Variants in HPS3 observed in about 807,000 individuals in gnomAD.
HPS3 encodes BLOC-2 complex member HPS3.
A neutral mutation model predicts 110.9 loss-of-function variants in HPS3; 79 were observed. The ratio of observed to expected loss-of-function variants is 0.71; its 90% CI spans 0.59 to 0.86. The LOEUF is 0.86. Among genes scored for constraint, HPS3 ranks in the 40% least tolerant of loss-of-function variants. HPS3 has a pLI of 0.00. For synonymous variants in HPS3, 428 were observed against 451.0 expected, an observed-to-expected ratio of 0.95 and a Z score of 0.65; for missense variants, 1,197 against 1,206.2, an observed-to-expected ratio of 0.99 and a Z score of 0.11.
In HPS3 at chr3:149,129,864, C is replaced by G. The variant is rs2108112256; in HGVS notation, c.141C>G (p.Ala47=). 1 of 1,598,164 alleles carries G rather than the reference C, an allele frequency of 6.3e-7. No individual in the cohort carries two copies. The highest frequency in any genetic ancestry group is 8.5e-7 in the Non-Finnish European group (1 of 1,177,070). ...GCAAGGTGGAGGCGTTCGCGGTGGC[C>G]GGCCAGGAGCTGTGCCAGCCGCGGT... ...AGCKVEAFAV[A]GQELCQPRCA... The change falls in exon 1 of 17, where the codon GCC becomes GCG. Residue 47 remains alanine, a synonymous_variant. Transcript: ENST00000296051.
At chr3:149,131,561 A>G (rs1370406298) in intron 1 of HPS3, among the ~76,000 whole-genome samples, 1 of 152,094 alleles carries the variant, frequency 6.6e-6, no homozygotes, top group Non-Finnish European at 1.5e-5. Flanking sequence ...AACTTAATTG[A>G]TATGTGTTGT....
At position 149,139,857 on chromosome 3, in the gene HPS3, CCT is replaced by C. The variant is rs1194705909; in HGVS notation, c.218-146_218-145del. ...AAGCCTAATGTCAGTCAAAAATACACCTAAGATTTTGTTACTTAGGGTTTTAT... is the reference window on the plus strand; with the variant it reads ...AAGCCTAATGTCAGTCAAAAATACACAAGATTTTGTTACTTAGGGTTTTAT... On this transcript the variant is annotated intron_variant, in intron 1 of 16. Transcript: ENST00000296051. 5 of 728,154 alleles carry C rather than the reference CCT, an allele frequency of 6.9e-6. No individual in the cohort carries two copies. In the East Asian group the frequency reaches 1.4e-4, roughly 20 times the overall value. 45.1% of individuals were successfully genotyped at this position (728,154 alleles called of 1,614,324 possible).
intron 5 of HPS3, among the ~76,000 whole-genome samples, chr3:149,149,858 A>G (rs181423144): frequency 3.2e-4 from 49 of 152,316 alleles, no homozygotes; most frequent in African/African-American, 1.1e-3. Flanking sequence ...GATGACAACC[A>G]GGCATCTATT....
chr3:149,168,088 C>G lies in HPS3; in HGVS notation c.2887+105C>G. ...TGTGATTCTCAAGTGAAACCGAGGG[C>G]CTTTCAGAACCATCTGGGGAGCTTA... On this transcript the variant is annotated intron_variant, in intron 16 of 16. Coordinates refer to ENST00000296051, the MANE Select transcript of HPS3 (RefSeq NM_032383.5). 4.1e-6 allele frequency: 3 copies of G among 725,984 alleles called. No individual in the cohort carries two copies. The East Asian group carries it at 8.1e-5, about 19-fold the overall frequency. 45.0% of individuals were successfully genotyped at this position (725,984 alleles called of 1,614,324 possible).
chr3:149,152,981 G>T (rs1723224684), intron 6 of HPS3, among the ~76,000 whole-genome samples: 1 of 152,196 alleles, frequency 6.6e-6, no homozygotes, highest in Non-Finnish European at 1.5e-5. Context: ...GGGGCCATCG[G>T]AACATACAAG....
rs779088731 is a variant in HPS3 at position 149,150,614 on chromosome 3, T to A, written c.1179T>A (p.Cys393Ter). The A allele has an allele frequency of 6.2e-7, 1 of 1,613,942 alleles. No homozygotes were observed. The highest frequency in any genetic ancestry group is 8.5e-7 in the Non-Finnish European group (1 of 1,179,958). Residue 393 changes from cysteine to a stop codon, truncating the protein, a stop_gained, in exon 6 of 17, where the codon TGT (cysteine) becomes TGA (stop). Transcript: ENST00000296051. LOFTEE classifies it high-confidence loss of function. ...LHVITSNNLQ[C>*]FTVRCSAAAA... ...TCCTCCTCAGTAACAACCTGCAGTG[T>A]TTCACTGTGCGGTGCAGTGCGGCGG...
At position 149,167,898 on chromosome 3, in the gene HPS3, G is replaced by A. The variant is rs1451979607; in HGVS notation, c.2802G>A (p.Leu934=). ...NHELKEENRT[L]WWKKLLPELC... ...TTCATTTTTTCCTAAGATAGACTCT[G>A]TGGTGGAAAAAACTGTTGCCTGAAC... Residue 934 remains leucine, a synonymous_variant, in exon 16 of 17, where the codon CTG becomes CTA. Coordinates refer to ENST00000296051, the MANE Select transcript of HPS3 (RefSeq NM_032383.5). The A allele has an allele frequency of 6.3e-7, 1 of 1,587,040 alleles. No individual in the cohort carries two copies. Among genetic ancestry groups the A allele is most frequent in the South Asian group, 1.1e-5 (1 of 90,552 alleles).
intron 13 of HPS3, among the ~76,000 whole-genome samples, chr3:149,163,151 CT>C (rs1231948050): frequency 6.6e-6 from 1 of 152,184 alleles, no homozygotes; most frequent in Non-Finnish European, 1.5e-5. Context: ...GAGAAAGGGA[CT>C]TCTTCCAGAA....
At chr3:149,134,533 A>T (rs968381339) in intron 1 of HPS3, among the ~76,000 whole-genome samples, 3 of 152,196 alleles carry the variant, frequency 2.0e-5, no homozygotes, top group African/African-American at 7.2e-5. Flanking sequence ...GGATCCTTGG[A>T]TGGCCACTAC....
chr3:149,162,155 T>C lies in HPS3; in HGVS notation c.2114T>C (p.Leu705Ser). 6.2e-7 allele frequency: 1 copy of C among 1,613,604 alleles called. No homozygotes were observed. The stretch of plus-strand genomic sequence containing the variant: ...TTTCTTTCTTATCTGAAGATGAAGT[T>C]GGTATGTGGCTTCATTCTGGAACCT... ...NEMKSHSEMKLVCGFILEPRL... is the reference protein window; with the variant it reads ...NEMKSHSEMKSVCGFILEPRL... The change falls in exon 12 of 17, where the codon TTG becomes TCG. Residue 705 changes from leucine to serine, a missense_variant. Coordinates refer to ENST00000296051, the MANE Select transcript of HPS3 (RefSeq NM_032383.5).
intron 7 of HPS3, 124 bp downstream of exon 7, chr3:149,153,772 C>G (rs1576682046): frequency 1.0e-6 from 1 of 966,636 alleles, no homozygotes; most frequent in Non-Finnish European, 1.6e-6. Context: ...TTATGGTGGT[C>G]TTTTTCCAGA....
At chr3:149,137,968 A>G (rs1428060536) in intron 1 of HPS3, among the ~76,000 whole-genome samples, 5 of 152,164 alleles carry the variant, frequency 3.3e-5, no homozygotes, top group Admixed American at 3.3e-4. Context: ...TGTACATTTT[A>G]TGTTGTGTGT....
rs915934506 is a variant in HPS3 at position 149,155,349 on chromosome 3, G to A, written c.1509+134G>A. 9.4e-5 allele frequency: 64 copies of A among 677,556 alleles called. 1 individual carries two copies. The highest frequency in any genetic ancestry group is 4.1e-4 in the Admixed American group (19 of 46,828). 42.0% of individuals were successfully genotyped at this position (677,556 alleles called of 1,614,324 possible). Reference sequence around the variant, plus strand: ...TCCTGGCTCTGTCTGACAGTGGAATGTATATCTCTCTCTGCCTCCTCATTG... The same window carrying A: ...TCCTGGCTCTGTCTGACAGTGGAATATATATCTCTCTCTGCCTCCTCATTG... On this transcript the variant is annotated intron_variant, in intron 8 of 16. Coordinates refer to ENST00000296051, the MANE Select transcript of HPS3 (RefSeq NM_032383.5).
chr3:149,165,593 C>T (rs77466686), intron 14 of HPS3, among the ~76,000 whole-genome samples: 3,483 of 152,160 alleles, frequency 0.023, 50 homozygotes, highest in Middle Eastern at 0.037. Flanking sequence ...CCTCCCACCT[C>T]GGGTTCCCAA....
At chr3:149,139,653 G>A (rs1279569528) in intron 1 of HPS3, among the ~76,000 whole-genome samples, 4 of 152,116 alleles carry the variant, frequency 2.6e-5, no homozygotes, top group Admixed American at 2.6e-4. Flanking sequence ...CCTAATTTTG[G>A]TGTCACCCTA....
At chr3:149,143,170 T>C (rs1234959143) in intron 4 of HPS3, among the ~76,000 whole-genome samples, 1 of 152,160 alleles carries the variant, frequency 6.6e-6, no homozygotes, top group African/African-American at 2.4e-5. Flanking sequence ...TCCAAATCCA[T>C]TCCATGGCGT....
chr3:149,155,341 A>G (rs1181410407), intron 8 of HPS3, 126 bp downstream of exon 8: 3 of 695,454 alleles, frequency 4.3e-6, no homozygotes, highest in East Asian at 2.7e-5. Flanking sequence ...TCTGTCTGAC[A>G]GTGGAATGTA....
chr3:149,160,821 G>T (rs936691687), intron 11 of HPS3, among the ~76,000 whole-genome samples: 2 of 152,156 alleles, frequency 1.3e-5, no homozygotes, highest in African/African-American at 2.4e-5. Context: ...GAAAATAGGA[G>T]GTAGTGTAAT....
At position 149,143,557 on chromosome 3, in the gene HPS3, A is replaced by G. The variant is rs115525450; in HGVS notation, c.971-1797A>G. ...TATCCCTAGAATCTGGAACAGCAGC[A>G]CTTAGTAGGTACCTGATGAATGCTG... On this transcript the variant is annotated intron_variant, in intron 4 of 16. Coordinates refer to ENST00000296051, the MANE Select transcript of HPS3 (RefSeq NM_032383.5). 6.6e-3 allele frequency among the ~76,000 whole-genome samples: 1,010 copies of G among 152,310 alleles called. 6 individuals carry two copies. Among genetic ancestry groups the G allele is most frequent in the Non-Finnish European group, 0.011 (775 of 68,026 alleles).
Sources: allele counts gnomAD v4.1 joint callset (sites outside exome capture counted in the v4.1 genomes callset), GRCh38; gene constraint gnomAD v4.1.1; transcripts MANE v1.5; gene names NCBI Gene and HGNC (gene_info 2026-07-23, HGNC 2026-07-21).